Variants in CPN1 observed in about 807,000 individuals in gnomAD.
The protein encoded by CPN1 is carboxypeptidase N catalytic chain.
CPN1 carries 37 observed loss-of-function variants against 46.4 expected under a neutral mutation model. The observed-to-expected ratio is 0.80, with a 90% CI of 0.61 to 1.05. The LOEUF (loss-of-function observed/expected upper bound fraction) is 1.05, where lower values mean the gene tolerates loss of function less well. Ranked by LOEUF, CPN1 falls within the 50% of genes least tolerant of loss-of-function variation. The probability of loss-of-function intolerance (pLI) is 0.00; values close to 1 mark genes in which losing one functional copy is unlikely to be tolerated. For missense variants in CPN1, 563 were observed against 602.6 expected (o/e 0.93, Z 0.69); for synonymous variants, 224 against 235.4 (o/e 0.95, Z 0.44).
chr10:100,069,527 T>A (rs1396830051), intron 3 of CPN1, among the ~76,000 whole-genome samples, 187 bp downstream of exon 3: 2 of 151,712 alleles, frequency 1.3e-5, no homozygotes, highest in Admixed American at 6.6e-5. Context: ...GAGGGCTCTA[T>A]GCTGAGGAGA....
intron 1 of CPN1, among the ~76,000 whole-genome samples, chr10:100,077,276 T>C (rs1311687647): frequency 1.4e-5 from 2 of 144,506 alleles, no homozygotes; most frequent in Non-Finnish European, 3.0e-5. Context: ...TGTCACCCAG[T>C]CTGGAGTGCA....
chr10:100,050,243 A>C (rs2133427346), intron 7 of CPN1, among the ~76,000 whole-genome samples: 1 of 152,264 alleles, frequency 6.6e-6, no homozygotes, highest in East Asian at 1.9e-4. Context: ...AGTCTCAGCT[A>C]CTTGGGAGGC....
Position 100,077,898 on chromosome 10 carries a change from T to TA in CPN1, c.224-1792dup, listed in dbSNP as rs772938508. ...AGTTCCCTCCGGTCTCCTATTTATT[T>TA]AAAAAAAAACAACAACAACACTTTT... On this transcript the variant is annotated intron_variant, in intron 1 of 8. Coordinates refer to ENST00000370418, the MANE Select transcript of CPN1 (RefSeq NM_001308.3). 3.8e-3 allele frequency among the ~76,000 whole-genome samples: 572 copies of TA among 151,566 alleles called. 1 individual carries two copies. The highest frequency in any genetic ancestry group is 0.013 in the African/African-American group (542 of 41,354).
intron 2 of CPN1, among the ~76,000 whole-genome samples, chr10:100,072,861 T>G (rs1289247545): frequency 6.6e-6 from 1 of 152,206 alleles, no homozygotes; most frequent in Admixed American, 6.5e-5. Flanking sequence ...AAAAGGCTCA[T>G]TCAAAATTGA....
intron 5 of CPN1, among the ~76,000 whole-genome samples, chr10:100,061,668 C>T (rs2041419115): frequency 6.6e-6 from 1 of 151,814 alleles, no homozygotes; most frequent in South Asian, 2.1e-4. Flanking sequence ...GAGGCATGGG[C>T]CTTGCTCTCT....
chr10:100,066,965 C>T (rs1589476749), intron 3 of CPN1, among the ~76,000 whole-genome samples: 5 of 152,232 alleles, frequency 3.3e-5, no homozygotes, highest in African/African-American at 9.6e-5. Context: ...CGAGGGAAAC[C>T]TCTTTGCTTT....
intron 2 of CPN1, 127 bp from the exon 3 acceptor site, chr10:100,069,996 T>G: frequency 1.9e-6 from 2 of 1,041,664 alleles, no homozygotes; most frequent in Admixed American, 4.0e-5. Context: ...AATCTTGGCT[T>G]ACTGCAACCT....
intron 5 of CPN1, among the ~76,000 whole-genome samples, chr10:100,060,882 A>G (rs991514605): frequency 6.6e-5 from 10 of 152,166 alleles, no homozygotes; most frequent in African/African-American, 2.4e-4. Context: ...CAACAGACGA[A>G]TGGATAAAGA....
intron 2 of CPN1, among the ~76,000 whole-genome samples, chr10:100,070,081 C>T (rs765498789): frequency 1.3e-5 from 2 of 151,922 alleles, no homozygotes; most frequent in African/African-American, 4.8e-5. Context: ...CACCACCACA[C>T]CCGCTAATTG....
rs1425036475 is a variant in CPN1, at chr10:100,044,806, G to A, written c.1231-2233C>T. 2.6e-5 allele frequency among the ~76,000 whole-genome samples: 4 copies of A among 152,172 alleles called. No homozygotes were observed. The East Asian group carries it at 5.8e-4, about 22-fold the overall frequency. ...GCTCACTGCAACCTCCGCCCCCTGGGTTCAAGCAATTCTCTTGCCTCAGCC... is the reference window on the plus strand; with the variant it reads ...GCTCACTGCAACCTCCGCCCCCTGGATTCAAGCAATTCTCTTGCCTCAGCC... On this transcript the variant is annotated intron_variant, in intron 8 of 8. Coordinates refer to ENST00000370418, the MANE Select transcript of CPN1 (RefSeq NM_001308.3).
At chr10:100,069,948 G>GT in intron 2 of CPN1, 79 bp from the exon 3 acceptor site, 1 of 1,528,174 alleles carries the variant, frequency 6.5e-7, no homozygotes. Context: ...TTGGAGACAG[G>GT]TTCTCACACT....
At chr10:100,065,413 C>T in intron 3 of CPN1, 43 bp from the exon 4 acceptor site, 1 of 1,610,116 alleles carries the variant, frequency 6.2e-7, no homozygotes, top group Non-Finnish European at 8.5e-7. Context: ...CCAACTGGGG[C>T]TACCAAACAA....
intron 7 of CPN1, among the ~76,000 whole-genome samples, chr10:100,052,404 CAG>C (rs1183172597): frequency 6.6e-6 from 1 of 151,928 alleles, no homozygotes; most frequent in African/African-American, 2.4e-5. Flanking sequence ...TTAGTAGAGA[CAG>C]GGGTTTCACC....
At chr10:100,046,472 C>T (rs1397757532) in intron 8 of CPN1, among the ~76,000 whole-genome samples, 1 of 151,964 alleles carries the variant, frequency 6.6e-6, no homozygotes, top group African/African-American at 2.4e-5. Flanking sequence ...CCCGTCTCTA[C>T]AAAAAATAAC....
At chr10:100,070,480 T>TA (rs1367720765) in intron 2 of CPN1, among the ~76,000 whole-genome samples, 3 of 151,738 alleles carry the variant, frequency 2.0e-5, no homozygotes, top group South Asian at 4.2e-4. Context: ...AGGCTCTGTC[T>TA]AAAAAAAACA....
chr10:100,054,546 T>C, intron 6 of CPN1, 100 bp from the exon 7 acceptor site: 1 of 957,912 alleles, frequency 1.0e-6, no homozygotes, highest in Non-Finnish European at 1.7e-6. Flanking sequence ...TTGTATTTTA[T>C]CTTCACAAAG....
chr10:100,069,033 G>T (rs1004609512), intron 3 of CPN1, among the ~76,000 whole-genome samples: 11 of 152,206 alleles, frequency 7.2e-5, no homozygotes, highest in African/African-American at 2.7e-4. Context: ...CTCTCTAAGT[G>T]TAATAGCTAT....
intron 2 of CPN1, among the ~76,000 whole-genome samples, chr10:100,074,209 A>G (rs2041501735): frequency 6.6e-6 from 1 of 152,154 alleles, no homozygotes; most frequent in South Asian, 2.1e-4. Context: ...AGTGGCTTCA[A>G]AGTCTGGTGG....
intron 5 of CPN1, among the ~76,000 whole-genome samples, chr10:100,061,201 T>C (rs1216848494): frequency 6.6e-6 from 1 of 152,148 alleles, no homozygotes; most frequent in East Asian, 1.9e-4. Flanking sequence ...CTGTAACTTT[T>C]AGAATAACTG....
Sources: gnomAD v4.1 joint callset for allele counts (sites outside exome capture counted in the v4.1 genomes callset) on GRCh38, gnomAD v4.1.1 for gene constraint, MANE v1.5 for transcripts, NCBI Gene and HGNC (gene_info 2026-07-23, HGNC 2026-07-21) for gene names.